Variants in HTR2C observed in about 807,000 individuals in gnomAD.
The protein encoded by HTR2C is 5-hydroxytryptamine (serotonin) receptor 2C, G protein-coupled.
HTR2C carries 5 observed loss-of-function variants against 21.0 expected under a neutral mutation model. That is an observed-to-expected ratio of 0.24 (90% CI 0.12 to 0.50). HTR2C has a LOEUF of 0.50. HTR2C is among the 20% of genes least tolerant of loss of function. The pLI, the probability that HTR2C is intolerant of heterozygous loss-of-function variation, is 0.98. For synonymous variants in HTR2C, 150 were observed against 145.3 expected, an observed-to-expected ratio of 1.03 and a Z score of -0.23; for missense variants, 271 against 371.2, an observed-to-expected ratio of 0.73 and a Z score of 2.22.
intron 2 of HTR2C, among the ~76,000 whole-genome samples, chrX:114,641,242 T>C (rs1930107802): frequency 9.0e-6 from 1 of 110,509 alleles, no homozygotes; most frequent in South Asian, 3.8e-4. Context: ...GATTTTCTGC[T>C]TTAGCAGATG....
intron 5 of HTR2C, among the ~76,000 whole-genome samples, chrX:114,904,633 CT>C (rs1440343242): frequency 8.9e-6 from 1 of 111,743 alleles, no homozygotes; most frequent in East Asian, 2.8e-4. Context: ...CTTGATAGAT[CT>C]TTTAAGTATC....
rs1246400279 is a variant in HTR2C at position 114,794,789 on chromosome X, A to G, written c.350-53214A>G. On this transcript the variant is annotated intron_variant, in intron 4 of 5. Transcript: ENST00000276198. ...TCCAGTCTATCATTGTTGGACATTT[A>G]GGTTGGTTCCAAGTCTTTGCTATTG... Among the ~76,000 whole-genome samples the G allele has an allele frequency of 2.7e-3, 290 of 109,191 alleles. 1 individual carries two copies. The highest frequency in any genetic ancestry group is 3.8e-3 in the Admixed American group (39 of 10,132). The allele number at this position is 109,191 out of a possible 115,157, so 94.8% of individuals were successfully genotyped here. A position where few individuals can be genotyped will look rare whatever the true frequency, so the allele number is the denominator to read the frequency against.
intron 2 of HTR2C, among the ~76,000 whole-genome samples, chrX:114,649,645 T>C (rs1485235767): frequency 9.0e-6 from 1 of 111,490 alleles, no homozygotes; most frequent in African/African-American, 3.3e-5. Context: ...TGATGGAGTC[T>C]TGCTCTGTCG....
At chrX:114,705,130 G>T (rs1556417753) in intron 2 of HTR2C, among the ~76,000 whole-genome samples, 3 of 104,927 alleles carry the variant, frequency 2.9e-5, no homozygotes, top group African/African-American at 1.0e-4. Flanking sequence ...TGGCCATACT[G>T]CCCAAGGTAA....
intron 2 of HTR2C, among the ~76,000 whole-genome samples, chrX:114,644,492 G>A (rs782306898): frequency 1.0e-4 from 10 of 96,594 alleles, no homozygotes; most frequent in African/African-American, 2.3e-4. Context: ...TATGAGCCTC[G>A]GAGGTTCACA....
chrX:114,601,305 G>A (rs1928075835), intron 1 of HTR2C, among the ~76,000 whole-genome samples: 1 of 111,066 alleles, frequency 9.0e-6, no homozygotes, highest in African/African-American at 3.3e-5. Flanking sequence ...CCACCAAACA[G>A]GCTTTGTGTG....
chrX:114,871,063 A>G (rs1556476403), intron 5 of HTR2C, among the ~76,000 whole-genome samples: 2 of 110,627 alleles, frequency 1.8e-5, no homozygotes, highest in Non-Finnish European at 3.8e-5. Context: ...AGGTACTTAT[A>G]GCTATAAAGT....
intron 2 of HTR2C, among the ~76,000 whole-genome samples, chrX:114,705,151 C>T (rs1320856056): frequency 2.7e-4 from 29 of 105,650 alleles, no homozygotes; most frequent in African/African-American, 8.1e-4. Context: ...TTTACAGATT[C>T]AATGCCATCC....
At chrX:114,689,070 G>A (rs1035633515) in intron 2 of HTR2C, among the ~76,000 whole-genome samples, 3 of 107,573 alleles carry the variant, frequency 2.8e-5, no homozygotes, top group Non-Finnish European at 5.7e-5. Flanking sequence ...TCACTTATAA[G>A]TGAGAACATA....
chrX:114,755,112 C>T (rs939957576), intron 4 of HTR2C, among the ~76,000 whole-genome samples: 11 of 109,847 alleles, frequency 1.0e-4, no homozygotes, highest in Admixed American at 3.9e-4. Flanking sequence ...TGGTGGCAGG[C>T]GCCTGTAATC....
In HTR2C at chrX:114,835,738, A is replaced by G. The variant is rs782164744; in HGVS notation, c.350-12265A>G. ...GTCATTCTCTATCCAGCTTTGTTCC[A>G]TTGCTGGTGAGGAACTGCGTTCCTT... is the stretch of plus-strand genomic sequence containing the variant. On this transcript the variant is annotated intron_variant, in intron 4 of 5. Coordinates refer to ENST00000276198, the MANE Select transcript of HTR2C (RefSeq NM_000868.4). Among the ~76,000 whole-genome samples the G allele has an allele frequency of 2.3e-4, 26 of 111,672 alleles. 2 individuals carry two copies. In the South Asian group the frequency reaches 9.3e-3, roughly 40 times the overall value.
chrX:114,654,290 C>A (rs1461459090), intron 2 of HTR2C, among the ~76,000 whole-genome samples: 1 of 106,658 alleles, frequency 9.4e-6, no homozygotes, highest in Non-Finnish European at 1.9e-5. Flanking sequence ...TGTATATATA[C>A]TCATATATAT....
At chrX:114,852,809 C>T (rs918505427) in intron 5 of HTR2C, among the ~76,000 whole-genome samples, 6 of 108,150 alleles carry the variant, frequency 5.5e-5, no homozygotes, top group East Asian at 2.9e-4. Flanking sequence ...TGTGTGCGTG[C>T]GTGCATGTGT....
rs782090895 is a variant in HTR2C at position 114,805,764 on chromosome X, C to A, written c.350-42239C>A. On this transcript the variant is annotated intron_variant, in intron 4 of 5. Coordinates refer to ENST00000276198, the MANE Select transcript of HTR2C (RefSeq NM_000868.4). ...CACCATATATACACCTATATATACA[C>A]CATATCTATACCATGTATATACACC... Among the ~76,000 whole-genome samples, 42 of 95,366 alleles carry A rather than the reference C, an allele frequency of 4.4e-4. 3 individuals carry two copies. Among genetic ancestry groups the A allele is most frequent in the African/African-American group, 1.6e-3 (41 of 26,180 alleles). 82.8% of individuals were successfully genotyped at this position (95,366 alleles called of 115,157 possible). A position where few individuals can be genotyped will look rare whatever the true frequency, so the allele number is the denominator to read the frequency against.
At chrX:114,805,720 C>T (rs1294794889) in intron 4 of HTR2C, among the ~76,000 whole-genome samples, 3 of 17,854 alleles carry the variant, frequency 1.7e-4, no homozygotes, top group African/African-American at 5.9e-4. Context: ...ATATATATAC[C>T]ATATATACAC....
intron 5 of HTR2C, among the ~76,000 whole-genome samples, chrX:114,892,920 AT>A (rs782425407): frequency 3.9e-5 from 4 of 101,966 alleles, no homozygotes; most frequent in Non-Finnish European, 4.0e-5. Context: ...TTTTATTTTT[AT>A]TTTTTTTTTG....
intron 1 of HTR2C, among the ~76,000 whole-genome samples, chrX:114,608,500 G>A (rs978288317): frequency 1.8e-4 from 20 of 111,214 alleles, no homozygotes; most frequent in African/African-American, 6.2e-4. Context: ...AACTTTTAAG[G>A]GATGTACTTG....
Position 114,859,892 on chromosome X carries a change from A to C in HTR2C, c.550+11689A>C, listed in dbSNP as rs1181363670. Among the ~76,000 whole-genome samples, 3 of 111,653 alleles carry C rather than the reference A, an allele frequency of 2.7e-5. No individual in the cohort carries two copies. The East Asian group carries it at 8.5e-4, about 31-fold the overall frequency. On this transcript the variant is annotated intron_variant, in intron 5 of 5. Transcript: ENST00000276198. ...GATGTGTATTTTAATTTCAGCTCAA[A>C]ATATTTACTAATTCCCTTTTTTAAT...
intron 5 of HTR2C, among the ~76,000 whole-genome samples, chrX:114,882,965 C>A (rs868921366): frequency 9.1e-6 from 1 of 109,727 alleles, no homozygotes; most frequent in Non-Finnish European, 1.9e-5. Context: ...AAATTTTTAT[C>A]ACTGGTAAAG....
Sources: allele counts gnomAD v4.1 joint callset (sites outside exome capture counted in the v4.1 genomes callset), GRCh38; gene constraint gnomAD v4.1.1; transcripts MANE v1.5; gene names NCBI Gene and HGNC (gene_info 2026-07-23, HGNC 2026-07-21).